The following AHI1 variants were observed in gnomAD, a reference collection of about 807,000 sequenced individuals.
The protein encoded by AHI1 is Abelson helper integration site 1, also known as jouberin.
In AHI1, 123 loss-of-function variants were observed where a neutral mutation model predicts 149.3. That is an observed-to-expected ratio of 0.82 (90% CI 0.71 to 0.96). The LOEUF is 0.96. Ranked by LOEUF, AHI1 falls within the 40% of genes least tolerant of loss-of-function variation. AHI1 has a pLI of 0.00. For missense variants in AHI1, 1,439 were observed against 1,422.7 expected, an observed-to-expected ratio of 1.01 and a Z score of -0.18; for synonymous variants, 475 against 459.8, an observed-to-expected ratio of 1.03 and a Z score of -0.42.
At chr6:135,358,253 A>G in intron 23 of AHI1, 66 bp from the exon 24 acceptor site, 1 of 1,359,036 alleles carries the variant, frequency 7.4e-7, no homozygotes, top group Non-Finnish European at 1.0e-6. Context: ...GAAAATATTC[A>G]TGCCATTTTA....
chr6:135,475,811 T>C (rs1792522478), intron 5 of AHI1, among the ~76,000 whole-genome samples: 1 of 152,212 alleles, frequency 6.6e-6, no homozygotes, highest in Admixed American at 6.5e-5. Context: ...CCTTTTACAG[T>C]AATAAATGGT....
intron 27 of AHI1, among the ~76,000 whole-genome samples, chr6:135,291,806 T>G (rs896168460): frequency 6.6e-6 from 1 of 152,154 alleles, no homozygotes; most frequent in Non-Finnish European, 1.5e-5. Context: ...AAAGCACTGA[T>G]AGCACACAAT....
chr6:135,316,080 C>T (rs1369853365), intron 26 of AHI1, among the ~76,000 whole-genome samples: 1 of 152,046 alleles, frequency 6.6e-6, no homozygotes, highest in Non-Finnish European at 1.5e-5. Context: ...CCAAACATTG[C>T]TAAATGACTC....
intron 5 of AHI1, among the ~76,000 whole-genome samples, chr6:135,478,970 G>A (rs536596723): frequency 6.6e-6 from 1 of 152,394 alleles, no homozygotes; most frequent in South Asian, 2.1e-4. Flanking sequence ...AAAGCCTCAA[G>A]TCTTGGCAGC....
intron 26 of AHI1, among the ~76,000 whole-genome samples, chr6:135,303,213 G>A (rs1280269763): frequency 6.6e-6 from 1 of 152,128 alleles, no homozygotes; most frequent in Non-Finnish European, 1.5e-5. Flanking sequence ...AAAAGAGAAA[G>A]GGGCTATGCA....
At chr6:135,318,498 C>A in intron 26 of AHI1, 21 bp downstream of exon 26, 4 of 1,429,488 alleles carry the variant, frequency 2.8e-6, no homozygotes, top group Non-Finnish European at 3.9e-6. Flanking sequence ...ATATGTAATA[C>A]GTATGCTCAA....
rs1459947382 is a variant in AHI1 at position 135,283,854 on chromosome 6, A to G, written c.*1791T>C. 6.6e-6 allele frequency: 1 copy of G among 152,216 alleles called. No individual in the cohort carries two copies. Among genetic ancestry groups the G allele is most frequent in the Non-Finnish European group, 1.5e-5 (1 of 68,038 alleles). 9.4% of individuals were successfully genotyped at this position (152,216 alleles called of 1,614,324 possible). On this transcript the variant is annotated 3_prime_UTR_variant, in exon 29 of 29. Transcript: ENST00000265602. ...ACAACCCTTTATTTTTCATATAAACATCAAGAGCTTAGCAAATGCTTAGCT... is the reference window on the plus strand; with the variant it reads ...ACAACCCTTTATTTTTCATATAAACGTCAAGAGCTTAGCAAATGCTTAGCT...
intron 24 of AHI1, among the ~76,000 whole-genome samples, chr6:135,343,853 T>C (rs1790746737): frequency 6.6e-6 from 1 of 151,984 alleles, no homozygotes; most frequent in Non-Finnish European, 1.5e-5. Context: ...TTCTTAGATA[T>C]AACATCATAG....
intron 5 of AHI1, among the ~76,000 whole-genome samples, chr6:135,482,016 C>T (rs879543134): frequency 4.6e-5 from 7 of 151,662 alleles, no homozygotes; most frequent in Non-Finnish European, 1.0e-4. Flanking sequence ...CCAATTTATC[C>T]TTCATTTTCA....
At chr6:135,314,591 C>G (rs968530732) in intron 26 of AHI1, among the ~76,000 whole-genome samples, 1 of 152,196 alleles carries the variant, frequency 6.6e-6, no homozygotes, top group Non-Finnish European at 1.5e-5. Flanking sequence ...CCCTTACAGT[C>G]CTTACATTGT....
chr6:135,452,661 A>C (rs1475406671), intron 11 of AHI1, among the ~76,000 whole-genome samples: 1 of 152,102 alleles, frequency 6.6e-6, no homozygotes, highest in African/African-American at 2.4e-5. Flanking sequence ...ATGACTGAGA[A>C]GACCTCATCA....
At chr6:135,307,449 A>G (rs2128360932) in intron 26 of AHI1, among the ~76,000 whole-genome samples, 1 of 152,252 alleles carries the variant, frequency 6.6e-6, no homozygotes, top group African/African-American at 2.4e-5. Context: ...GACATTTTAT[A>G]TATACTCATC....
At chr6:135,293,406 G>GAAAAAAAAAAAAAAAAAAAAAAA (rs71547029) in intron 27 of AHI1, among the ~76,000 whole-genome samples, 59 of 65,546 alleles carry the variant, frequency 9.0e-4, no homozygotes, top group Non-Finnish European at 1.2e-3. Context: ...AAAAAAAAAA[G>GAAAAAAAAAAAAAAAAAAAAAAA]AAAAAAAAAA....
intron 27 of AHI1, among the ~76,000 whole-genome samples, 173 bp downstream of exon 27, chr6:135,300,325 CAA>C (rs557417336): frequency 3.2e-4 from 21 of 65,854 alleles, no homozygotes; most frequent in Admixed American, 3.2e-4. Context: ...ACTCTGTCTC[CAA>C]AAAAAAAAAA....
chr6:135,348,101 G>C (rs1223628093), intron 24 of AHI1, among the ~76,000 whole-genome samples: 4 of 152,104 alleles, frequency 2.6e-5, no homozygotes, highest in African/African-American at 7.2e-5. Flanking sequence ...TCACTGCTGG[G>C]GACACTGAGA....
rs1253839261 is a variant in AHI1, at chr6:135,471,997, C to T, written c.136-4363G>A. On this transcript the variant is annotated intron_variant, in intron 5 of 28. Coordinates refer to ENST00000265602, the MANE Select transcript of AHI1 (RefSeq NM_001134831.2). ...ACTGCAGTCCGCAGTCCGGCCTGGG[C>T]GACAGAGCGAGACTCCGTCTCAAAA... Among the ~76,000 whole-genome samples the T allele has an allele frequency of 4.0e-4, 42 of 103,720 alleles. 1 individual carries two copies. In the East Asian group the frequency reaches 0.01, roughly 25 times the overall value. 68.0% of individuals were successfully genotyped at this position (103,720 alleles called of 152,430 possible). A position where few individuals can be genotyped will look rare whatever the true frequency, so the allele number is the denominator to read the frequency against.
Position 135,363,526 on chromosome 6 carries a change from C to G in AHI1, c.3110-5339G>C, listed in dbSNP as rs941957213. On this transcript the variant is annotated intron_variant, in intron 23 of 28. Transcript: ENST00000265602. Reference sequence around the variant, plus strand: ...CCCCCCTTTCTATTCTACAAAACCGCCATTGTCATCATGGCCTGTTCTCAA... The same window carrying G: ...CCCCCCTTTCTATTCTACAAAACCGGCATTGTCATCATGGCCTGTTCTCAA... Among the ~76,000 whole-genome samples the G allele has an allele frequency of 3.9e-5, 6 of 152,344 alleles. No homozygotes were observed. In the East Asian group the frequency reaches 5.8e-4, roughly 15 times the overall value.
intron 5 of AHI1, among the ~76,000 whole-genome samples, chr6:135,487,727 G>T (rs565113827): frequency 6.6e-6 from 1 of 151,984 alleles, no homozygotes; most frequent in Admixed American, 6.6e-5. Flanking sequence ...ATTATTAACT[G>T]TAATTTCCCT....
At chr6:135,400,880 G>T (rs1278312098) in intron 22 of AHI1, among the ~76,000 whole-genome samples, 1 of 152,056 alleles carries the variant, frequency 6.6e-6, no homozygotes, top group African/African-American at 2.4e-5. Context: ...CCTCCAGCCT[G>T]TTTTTTTCCC....
Sources: allele counts gnomAD v4.1 joint callset (sites outside exome capture counted in the v4.1 genomes callset), GRCh38; gene constraint gnomAD v4.1.1; transcripts MANE v1.5; gene names NCBI Gene and HGNC (gene_info 2026-07-23, HGNC 2026-07-21).